Variants in SRP54 observed in about 807,000 individuals in gnomAD.
The protein encoded by SRP54 is signal recognition particle 54, also known as signal recognition particle subunit SRP54.
SRP54 carries 10 observed loss-of-function variants against 64.8 expected under a neutral mutation model. The ratio of observed to expected loss-of-function variants is 0.15; its 90% CI spans 0.10 to 0.26. The LOEUF is 0.26. Ranked by LOEUF, SRP54 falls within the 10% of genes least tolerant of loss-of-function variation. The pLI is 1.00. For missense variants in SRP54, 325 were observed against 613.7 expected (o/e 0.53, Z 4.97); for synonymous variants, 193 against 185.6 (o/e 1.04, Z -0.32).
rs774553028 is a variant in SRP54 at position 35,014,897 on chromosome 14, A to G, written c.973+67A>G. On this transcript the variant is annotated intron_variant, in intron 11 of 15. Transcript: ENST00000216774. ...CATTGATTTTTTTTATAAAGTTACT[A>G]TTAAGTTATTTGAAATGTAATATCT... 75 of 1,195,222 alleles carry G rather than the reference A, an allele frequency of 6.3e-5. No homozygotes were observed. In the Admixed American group the frequency reaches 8.3e-4, roughly 13 times the overall value. 74.0% of individuals were successfully genotyped at this position (1,195,222 alleles called of 1,614,324 possible).
At chr14:35,007,237 A>G (rs371848688) in intron 4 of SRP54, 46 bp from the exon 5 acceptor site, 404 of 1,322,634 alleles carry the variant, frequency 3.1e-4, no homozygotes, top group Admixed American at 5.6e-4. Context: ...TTGAATTTAT[A>G]TGTATGTTAA....
chr14:35,018,629 T>C (rs1037014156), intron 11 of SRP54, 63 bp from the exon 12 acceptor site: 6 of 1,266,380 alleles, frequency 4.7e-6, no homozygotes, highest in African/African-American at 4.5e-5. Flanking sequence ...AGGAATAAAT[T>C]AGTTTTGTTG....
intron 1 of SRP54, among the ~76,000 whole-genome samples, chr14:34,992,813 C>G (rs799494): frequency 6.2e-4 from 94 of 151,932 alleles, no homozygotes; most frequent in Non-Finnish European, 1.2e-3. Context: ...AAATTAAAGA[C>G]ACTTCCTAAA....
chr14:35,024,145 A>T (rs766572659), intron 14 of SRP54, among the ~76,000 whole-genome samples: 1 of 152,052 alleles, frequency 6.6e-6, no homozygotes, highest in Non-Finnish European at 1.5e-5. Flanking sequence ...CTCCTGCCTC[A>T]GCCTCCCGAG....
At chr14:34,996,876 G>T (rs1436514670) in intron 2 of SRP54, 89 bp downstream of exon 2, 1 of 944,114 alleles carries the variant, frequency 1.1e-6, no homozygotes, top group Non-Finnish European at 1.7e-6. Context: ...GTATTTATAT[G>T]TATTTTGATG....
intron 1 of SRP54, among the ~76,000 whole-genome samples, chr14:34,984,908 CT>C (rs34789836): frequency 0.49 from 69,242 of 141,398 alleles, 17,199 homozygotes; most frequent in East Asian, 0.68. Context: ...CTTCACCTTC[CT>C]TTTTTTTTTT....
chr14:35,000,192 T>C (rs2044147014), intron 3 of SRP54, among the ~76,000 whole-genome samples: 1 of 151,850 alleles, frequency 6.6e-6, no homozygotes, highest in African/African-American at 2.4e-5. Flanking sequence ...TTGAGTCTTA[T>C]CTCTTACCAT....
chr14:35,013,730 T>G, intron 9 of SRP54, 72 bp from the exon 10 acceptor site: 1 of 1,389,476 alleles, frequency 7.2e-7, no homozygotes, highest in South Asian at 1.3e-5. Flanking sequence ...GCGGATTCAC[T>G]TCGAATTTCA....
chr14:35,019,223 T>A (rs771611718), intron 13 of SRP54, 149 bp downstream of exon 13: 3 of 589,830 alleles, frequency 5.1e-6, no homozygotes, highest in Non-Finnish European at 9.0e-6. Flanking sequence ...AAGCTCTTAC[T>A]CAAAGGGTTA....
chr14:34,985,516 T>G (rs551186190), intron 1 of SRP54, among the ~76,000 whole-genome samples: 1 of 152,214 alleles, frequency 6.6e-6, no homozygotes, highest in Non-Finnish European at 1.5e-5. Context: ...TTTCTCTAGT[T>G]CAAGGCCACA....
intron 1 of SRP54, among the ~76,000 whole-genome samples, chr14:34,985,571 G>A (rs2138954315): frequency 6.6e-6 from 1 of 152,228 alleles, no homozygotes; most frequent in Middle Eastern, 3.4e-3. Flanking sequence ...TGCATGTAGT[G>A]TCCTGGCTCT....
chr14:35,000,992 A>G lies in SRP54; in HGVS notation c.227A>G (p.Gln76Arg). 6.3e-7 allele frequency: 1 copy of G among 1,594,942 alleles called. No individual in the cohort carries two copies. Among genetic ancestry groups the G allele is most frequent in the Non-Finnish European group, 8.5e-7 (1 of 1,170,174 alleles). The change falls in exon 4 of 16, where the codon CAG (glutamine) becomes CGG (arginine). Residue 76 changes from glutamine to arginine, a missense_variant. Physicochemically the swap from Gln to Arg is conservative, Grantham distance 43 (BLOSUM62 1). Transcript: ENST00000216774. The part of the protein sequence containing the change: ...ASGLNKRKMI[Q>R]HAVFKELVKL... ...GGTCTTAACAAAAGAAAAATGATTC[A>G]GCATGCTGTATTTAAAGAACTTGTG... is the stretch of plus-strand genomic sequence containing the variant.
chr14:35,028,231 G>C (rs781259005), intron 15 of SRP54, 48 bp downstream of exon 15: 1 of 1,221,832 alleles, frequency 8.2e-7, no homozygotes, highest in South Asian at 1.3e-5. Context: ...AATTTATAAG[G>C]GTTGAGTTTT....
Position 35,011,676 on chromosome 14 carries a change from G to C in SRP54, c.636+17G>C, listed in dbSNP as rs1423336489. ...AATGCTATAGTAAGTAGCTTTCAAT[G>C]TAACACTATTATTAGGACTTTGGTT... On this transcript the variant is annotated intron_variant, in intron 8 of 15. Coordinates refer to ENST00000216774, the MANE Select transcript of SRP54 (RefSeq NM_003136.4). 2 of 1,502,042 alleles carry C rather than the reference G, an allele frequency of 1.3e-6. No individual in the cohort carries two copies. Among genetic ancestry groups the C allele is most frequent in the African/African-American group, 1.4e-5 (1 of 72,140 alleles). 93.0% of individuals were successfully genotyped at this position (1,502,042 alleles called of 1,614,324 possible). A position where few individuals can be genotyped will look rare whatever the true frequency, so the allele number is the denominator to read the frequency against.
Position 34,985,456 on chromosome 14 carries a change from T to C in SRP54, c.-34+2241T>C, listed in dbSNP as rs1180328385. Among the ~76,000 whole-genome samples the C allele has an allele frequency of 2.0e-5, 3 of 152,168 alleles. 1 individual carries two copies. Among genetic ancestry groups the C allele is most frequent in the African/African-American group, 7.2e-5 (3 of 41,448 alleles). On this transcript the variant is annotated intron_variant, in intron 1 of 15. Transcript: ENST00000216774. ...TTTTTTCCTTCACTTGCCATAACCA[T>C]TTGGTCATTAGATTCTGCTTCATGA...
intron 1 of SRP54, among the ~76,000 whole-genome samples, chr14:34,984,760 C>T (rs1423663823): frequency 6.6e-6 from 1 of 152,148 alleles, no homozygotes. Flanking sequence ...CTTCGGCCTC[C>T]CAAAGTGCTG....
chr14:35,023,051 A>G lies in SRP54; in HGVS notation c.1298A>G (p.Lys433Arg). ...ACCAAGTTTGCACAGATGGTAAAAA[A>G]GATGGGAGGTATCAAAGGACTTTTC... is the stretch of plus-strand genomic sequence containing the variant. ...QYTKFAQMVKKMGGIKGLFKG... is the reference protein window; with the variant it reads ...QYTKFAQMVKRMGGIKGLFKG... The change falls in exon 14 of 16, where the codon AAG (lysine) becomes AGG (arginine). Residue 433 changes from lysine (K) to arginine (R), a missense_variant. By Grantham distance (26) the Lys-to-Arg change is conservative. This residue lies in a region of SRP54 where 146 missense variants were observed against 337.4 expected (regional missense o/e 0.43). Transcript: ENST00000216774. The G allele has an allele frequency of 6.2e-7, 1 of 1,612,688 alleles. No individual in the cohort carries two copies. Among genetic ancestry groups the G allele is most frequent in the Non-Finnish European group, 8.5e-7 (1 of 1,179,366 alleles).
chr14:35,028,323 A>G (rs1462190207), intron 15 of SRP54, 140 bp downstream of exon 15: 1 of 540,212 alleles, frequency 1.9e-6, no homozygotes, highest in Non-Finnish European at 3.2e-6. Context: ...CTGAATCCTA[A>G]GTTGAATTCA....
intron 13 of SRP54, among the ~76,000 whole-genome samples, chr14:35,021,628 G>C (rs2044531399): frequency 7.0e-6 from 1 of 143,610 alleles, no homozygotes; most frequent in African/African-American, 2.5e-5. Flanking sequence ...GCAACACTCT[G>C]TCTCAAAAAA....
Sources: allele counts gnomAD v4.1 joint callset (sites outside exome capture counted in the v4.1 genomes callset), GRCh38; gene constraint gnomAD v4.1.1; regional missense constraint gnomAD v4.1.1; transcripts MANE v1.5; gene names NCBI Gene and HGNC (gene_info 2026-07-23, HGNC 2026-07-21).